The following DLGAP2 variants were observed in gnomAD, a reference collection of about 807,000 sequenced individuals.
The protein encoded by DLGAP2 is disks large-associated protein 2.
DLGAP2 carries 26 observed loss-of-function variants against 100.3 expected under a neutral mutation model. The observed-to-expected ratio is 0.26, with a 90% confidence interval of 0.19 to 0.36. The LOEUF is 0.36. DLGAP2 is among the 10% of genes least tolerant of loss of function. DLGAP2 has a pLI of 1.00. For synonymous variants in DLGAP2, 886 were observed against 630.1 expected, an observed-to-expected ratio of 1.41 and a Z score of -6.08; for missense variants, 1,858 against 1,453.2, an observed-to-expected ratio of 1.28 and a Z score of -4.53.
At chr8:1,112,357 C>T (rs952030911) in intron 2 of DLGAP2, among the ~76,000 whole-genome samples, 1 of 149,690 alleles carries the variant, frequency 6.7e-6, no homozygotes, top group Non-Finnish European at 1.5e-5. Context: ...ACTCCTGACT[C>T]AGCCTCCCGA....
At chr8:966,624 A>T (rs1161693355) in intron 2 of DLGAP2, among the ~76,000 whole-genome samples, 1 of 149,952 alleles carries the variant, frequency 6.7e-6, no homozygotes, top group East Asian at 1.9e-4. Context: ...CTGCTTTGTA[A>T]CCTTCTTTTT....
chr8:1,238,054 C>T (rs1269514616), intron 2 of DLGAP2, among the ~76,000 whole-genome samples: 1 of 5,992 alleles, frequency 1.7e-4, no homozygotes. Context: ...TGCCACATGG[C>T]GCCGTGTCTA....
At chr8:1,149,585 T>C (rs1415218158) in intron 2 of DLGAP2, among the ~76,000 whole-genome samples, 1 of 152,246 alleles carries the variant, frequency 6.6e-6, no homozygotes, top group Non-Finnish European at 1.5e-5. Flanking sequence ...ACTTACTATA[T>C]TCTAATATTT....
intron 4 of DLGAP2, among the ~76,000 whole-genome samples, chr8:1,516,609 G>A (rs2130395718): frequency 6.6e-6 from 1 of 152,124 alleles, no homozygotes; most frequent in African/African-American, 2.4e-5. Context: ...ATGAATGAGT[G>A]AGTGAATCAG....
rs117144598 is a variant in DLGAP2, at chr8:812,962, G to T, written c.18+75137G>T. Among the ~76,000 whole-genome samples the T allele has an allele frequency of 5.9e-5, 9 of 152,310 alleles. No homozygotes were observed. The South Asian group carries it at 1.9e-3, about 32-fold the overall frequency. ...TTAAAACCTTTGGTAGAGAATCTCT[G>T]GTTCTCAAATGAGGAGTGGTTGATG... On this transcript the variant is annotated intron_variant, in intron 1 of 14. Transcript: ENST00000637795.
At chr8:1,506,139 T>A (rs1015228765) in intron 4 of DLGAP2, among the ~76,000 whole-genome samples, 19 of 152,310 alleles carry the variant, frequency 1.2e-4, no homozygotes, top group Middle Eastern at 3.4e-3. Context: ...TTTAATCATC[T>A]CCACAGCATT....
In DLGAP2 at chr8:906,115, C is replaced by T. The variant is rs117314607; in HGVS notation, c.19-1797C>T. Among the ~76,000 whole-genome samples the T allele has an allele frequency of 1.1e-4, 16 of 152,324 alleles. No individual in the cohort carries two copies. The South Asian group carries it at 3.1e-3, about 30-fold the overall frequency. On this transcript the variant is annotated intron_variant, in intron 1 of 14. Transcript: ENST00000637795. ...GCGTGGGGCTTACCTATGGGCAGCCCCTCCTTAGGAGCAGCACCCAGCAGA... is the reference window on the plus strand; with the variant it reads ...GCGTGGGGCTTACCTATGGGCAGCCTCTCCTTAGGAGCAGCACCCAGCAGA...
chr8:1,451,994 G>C (rs898729174), intron 3 of DLGAP2, among the ~76,000 whole-genome samples: 1 of 152,236 alleles, frequency 6.6e-6, no homozygotes, highest in Non-Finnish European at 1.5e-5. Flanking sequence ...ATCTAGTTAA[G>C]AGAACCGGAA....
intron 2 of DLGAP2, among the ~76,000 whole-genome samples, chr8:1,012,870 C>T (rs1801337494): frequency 6.6e-6 from 1 of 152,048 alleles, no homozygotes; most frequent in African/African-American, 2.4e-5. Flanking sequence ...CCAGGTTCTG[C>T]TGAGACCACT....
At chr8:753,506 CT>C in intron 1 of DLGAP2, 1 of 152,280 alleles carries the variant, frequency 6.6e-6, no homozygotes, top group Non-Finnish European at 1.5e-5. Context: ...CGCTGAAGGT[CT>C]TTTGAGATTG....
chr8:881,930 T>G (rs866361885), intron 1 of DLGAP2, among the ~76,000 whole-genome samples: 2 of 152,230 alleles, frequency 1.3e-5, no homozygotes, highest in African/African-American at 4.8e-5. Flanking sequence ...CTGGTTGAAT[T>G]TATTCATTCC....
intron 2 of DLGAP2, among the ~76,000 whole-genome samples, chr8:1,219,520 G>C (rs1027017072): frequency 1.3e-5 from 2 of 152,126 alleles, no homozygotes; most frequent in Non-Finnish European, 2.9e-5. Context: ...TGATTTGTTA[G>C]TATTTTGCTG....
chr8:825,127 C>G (rs180829047), intron 1 of DLGAP2, among the ~76,000 whole-genome samples: 1 of 152,178 alleles, frequency 6.6e-6, no homozygotes, highest in South Asian at 2.1e-4. Flanking sequence ...AGGGCTCTTC[C>G]TCTGCCCTCA....
intron 2 of DLGAP2, among the ~76,000 whole-genome samples, chr8:1,108,376 C>T (rs1247358933): frequency 7.2e-5 from 11 of 152,204 alleles, no homozygotes; most frequent in Admixed American, 6.5e-4. Context: ...AGCCTTCATG[C>T]TTGTTTGACG....
chr8:919,425 A>T (rs751844633), intron 2 of DLGAP2, among the ~76,000 whole-genome samples: 12 of 152,140 alleles, frequency 7.9e-5, no homozygotes, highest in South Asian at 6.2e-4. Flanking sequence ...TGGGGAAGGG[A>T]AGCTGGTGGA....
At chr8:1,257,013 C>T (rs570881855) in intron 2 of DLGAP2, among the ~76,000 whole-genome samples, 3 of 152,268 alleles carry the variant, frequency 2.0e-5, no homozygotes, top group African/African-American at 4.8e-5. Context: ...GCTTCTACTT[C>T]AGGTCCTGCC....
chr8:1,355,557 G>A (rs575304372), intron 3 of DLGAP2, among the ~76,000 whole-genome samples: 2 of 152,160 alleles, frequency 1.3e-5, no homozygotes, highest in South Asian at 4.2e-4. Flanking sequence ...TAGAGGCGGG[G>A]TTTCTCCATG....
chr8:1,513,900 A>G (rs1450192116), intron 4 of DLGAP2, among the ~76,000 whole-genome samples: 2 of 152,126 alleles, frequency 1.3e-5, no homozygotes, highest in Non-Finnish European at 2.9e-5. Flanking sequence ...TCCCTCCTTC[A>G]TTCATCCATC....
intron 3 of DLGAP2, among the ~76,000 whole-genome samples, chr8:1,276,006 A>G (rs1799685260): frequency 7.5e-6 from 1 of 133,760 alleles, no homozygotes; most frequent in Non-Finnish European, 1.5e-5. Context: ...TAATATATAA[A>G]TAGATATAGA....
Sources: allele counts gnomAD v4.1 joint callset (sites outside exome capture counted in the v4.1 genomes callset), GRCh38; gene constraint gnomAD v4.1.1; transcripts MANE v1.5; gene names NCBI Gene and HGNC (gene_info 2026-07-23, HGNC 2026-07-21).